SEC24B: variants seen among roughly 807,000 people sequenced by gnomAD.
SEC24B encodes protein transport protein Sec24B.
SEC24B carries 45 observed loss-of-function variants against 142.8 expected under a neutral mutation model. The ratio of observed to expected loss-of-function variants is 0.32; its 90% CI spans 0.25 to 0.40. The LOEUF (loss-of-function observed/expected upper bound fraction) is 0.40. Ranked by LOEUF, SEC24B falls within the 10% of genes least tolerant of loss-of-function variation. SEC24B has a pLI of 1.00. For missense variants in SEC24B, 1,409 were observed against 1,526.8 expected (o/e 0.92, Z 1.29); for synonymous variants, 574 against 568.2 (o/e 1.01, Z -0.15).
chr4:109,511,428 A>G (rs1321667320), intron 8 of SEC24B, among the ~76,000 whole-genome samples: 7 of 152,234 alleles, frequency 4.6e-5, no homozygotes, highest in Non-Finnish European at 1.5e-5. Context: ...ATTCAGAGAC[A>G]TAGAATAATA....
intron 1 of SEC24B, chr4:109,449,519 A>T: frequency 2.2e-6 from 1 of 454,886 alleles, no homozygotes; most frequent in Admixed American, 2.4e-5. Flanking sequence ...GGTGTGTGCC[A>T]CTACGCCCAG....
At chr4:109,434,280 G>C (rs1728171749) in intron 1 of SEC24B, among the ~76,000 whole-genome samples, 1 of 152,094 alleles carries the variant, frequency 6.6e-6, no homozygotes, top group Admixed American at 6.5e-5. Context: ...TATGTAATGC[G>C]ACCCCAGGCC....
chr4:109,475,625 T>C (rs372689590), intron 3 of SEC24B, among the ~76,000 whole-genome samples: 2 of 152,168 alleles, frequency 1.3e-5, no homozygotes, highest in East Asian at 1.9e-4. Context: ...CTTGTAGTTA[T>C]GCAGTTTTTA....
intron 12 of SEC24B, 85 bp from the exon 13 acceptor site, chr4:109,521,032 T>C: frequency 1.2e-6 from 1 of 820,616 alleles, no homozygotes; most frequent in Non-Finnish European, 2.0e-6. Flanking sequence ...TAGTACACAT[T>C]ACATGTATGA....
At chr4:109,486,700 T>A (rs1734390479) in intron 4 of SEC24B, among the ~76,000 whole-genome samples, 1 of 152,216 alleles carries the variant, frequency 6.6e-6, no homozygotes, top group Non-Finnish European at 1.5e-5. Flanking sequence ...TATCCAAGGA[T>A]TAAGCATGGG....
chr4:109,493,752 A>G (rs1256501001), intron 5 of SEC24B, among the ~76,000 whole-genome samples: 1 of 151,600 alleles, frequency 6.6e-6, no homozygotes, highest in Non-Finnish European at 1.5e-5. Context: ...GCCTGCCACC[A>G]TGCTCAGCTA....
intron 17 of SEC24B, among the ~76,000 whole-genome samples, chr4:109,526,853 A>G (rs1337856215): frequency 6.6e-6 from 1 of 152,222 alleles, no homozygotes; most frequent in African/African-American, 2.4e-5. Context: ...TGTTCATTGT[A>G]AAACTTGGTT....
At chr4:109,455,503 A>T (rs1730572031) in intron 1 of SEC24B, among the ~76,000 whole-genome samples, 1 of 152,128 alleles carries the variant, frequency 6.6e-6, no homozygotes, top group Non-Finnish European at 1.5e-5. Flanking sequence ...GGCCTCCCAA[A>T]ATGCTGGGAT....
intron 6 of SEC24B, among the ~76,000 whole-genome samples, chr4:109,498,803 T>A (rs1735805273): frequency 6.6e-6 from 1 of 152,144 alleles, no homozygotes; most frequent in East Asian, 1.9e-4. Context: ...TAAGGGCTTT[T>A]CTTTGTATTG....
At chr4:109,502,721 G>C (rs149609873) in intron 6 of SEC24B, among the ~76,000 whole-genome samples, 183 of 152,348 alleles carry the variant, frequency 1.2e-3, no homozygotes, top group African/African-American at 4.1e-3. Flanking sequence ...TATTTGATCA[G>C]TGGTTGTTGG....
At chr4:109,523,335 T>C (rs1723862597) in intron 14 of SEC24B, among the ~76,000 whole-genome samples, 1 of 151,988 alleles carries the variant, frequency 6.6e-6, no homozygotes, top group Non-Finnish European at 1.5e-5. Context: ...CTGGGTGCGG[T>C]GATGCAAGCC....
Position 109,463,075 on chromosome 4 carries a change from C to T in SEC24B, c.308C>T (p.Thr103Ile), listed in dbSNP as rs763601559. The T allele has an allele frequency of 1.2e-6, 2 of 1,614,160 alleles. No homozygotes were observed. The highest frequency in any genetic ancestry group is 1.7e-6 in the Non-Finnish European group (2 of 1,180,020). Residue 103 changes from threonine to isoleucine, a missense_variant, in exon 2 of 24, where the codon ACT (threonine) becomes ATT (isoleucine). By Grantham distance (89) the Thr-to-Ile change is moderately conservative. Coordinates refer to ENST00000265175, the MANE Select transcript of SEC24B (RefSeq NM_006323.5). The stretch of plus-strand genomic sequence containing the variant: ...TATACAGTACCAACACAAAATGTGA[C>T]TCCTAACACAGTGAACCAGCAACCA... ...ALYTVPTQNVTPNTVNQQPGA... is the reference protein window; with the variant it reads ...ALYTVPTQNVIPNTVNQQPGA...
At chr4:109,534,218 T>C (rs1435073273) in intron 22 of SEC24B, among the ~76,000 whole-genome samples, 14 of 152,052 alleles carry the variant, frequency 9.2e-5, no homozygotes, top group Non-Finnish European at 1.6e-4. Context: ...AACTTTCAAA[T>C]GGATCAAACA....
At chr4:109,439,705 T>G (rs947204961) in intron 1 of SEC24B, among the ~76,000 whole-genome samples, 3 of 150,276 alleles carry the variant, frequency 2.0e-5, no homozygotes, top group Non-Finnish European at 4.4e-5. Flanking sequence ...TTCACTATAT[T>G]GATCAGGCTG....
At chr4:109,532,594 T>C in intron 20 of SEC24B, 45 bp from the exon 21 acceptor site, 1 of 1,411,276 alleles carries the variant, frequency 7.1e-7, no homozygotes, top group Non-Finnish European at 1.0e-6. Flanking sequence ...CAAACTGTGA[T>C]GATAGTAATG....
chr4:109,481,747 T>C lies in SEC24B; in HGVS notation c.1131T>C (p.Asp377=). 1.2e-6 allele frequency: 2 copies of C among 1,613,870 alleles called. No homozygotes were observed. The highest frequency in any genetic ancestry group is 1.7e-6 in the Non-Finnish European group (2 of 1,179,802). The change falls in exon 4 of 24, where the codon GAT becomes GAC. Residue 377 remains aspartate (D), a synonymous_variant. Transcript: ENST00000265175. ...SAPTPLSSTS[D]DEEEEEEDEE... Reference sequence around the variant, plus strand: ...CAACTCCCTTGTCATCAACTTCCGATGATGAGGAAGAGGAGGAGGAGGATG... The same window carrying C: ...CAACTCCCTTGTCATCAACTTCCGACGATGAGGAAGAGGAGGAGGAGGATG...
At chr4:109,483,058 A>ATTTATGTATTTT (rs1180574521) in intron 4 of SEC24B, among the ~76,000 whole-genome samples, 1 of 137,284 alleles carries the variant, frequency 7.3e-6, no homozygotes, top group Non-Finnish European at 1.6e-5. Flanking sequence ...TTATGTATTT[A>ATTTATGTATTTT]TATATATATA....
At chr4:109,503,824 A>G (rs888131104) in intron 6 of SEC24B, among the ~76,000 whole-genome samples, 1 of 151,900 alleles carries the variant, frequency 6.6e-6, no homozygotes, top group African/African-American at 2.4e-5. Context: ...TACATAATGT[A>G]AATAAGTCTC....
intron 1 of SEC24B, chr4:109,449,610 T>C (rs1729851546): frequency 2.3e-6 from 1 of 433,828 alleles, no homozygotes. Context: ...GGGCCCTCTA[T>C]CCACCTTGTC....
Sources: gnomAD v4.1 joint callset for allele counts (sites outside exome capture counted in the v4.1 genomes callset) on GRCh38, gnomAD v4.1.1 for gene constraint, MANE v1.5 for transcripts, NCBI Gene and HGNC (gene_info 2026-07-23, HGNC 2026-07-21) for gene names.